RBFOX3: variants seen among roughly 807,000 people sequenced by gnomAD.
RBFOX3 encodes the protein RNA binding fox-1 homolog 3.
Under a neutral mutation model 48.7 loss-of-function variants are expected in RBFOX3, and 17 were observed. The ratio of observed to expected loss-of-function variants is 0.35; its 90% CI spans 0.24 to 0.52. RBFOX3 has a LOEUF of 0.52. RBFOX3 is among the 20% of genes least tolerant of loss of function. The pLI is 0.94. For missense variants in RBFOX3, 382 were observed against 497.5 expected (o/e 0.77, Z 2.21); for synonymous variants, 212 against 209.5 (o/e 1.01, Z -0.10).
chr17:79,552,338 T>C (rs1395494469), intron 1 of RBFOX3, among the ~76,000 whole-genome samples: 2 of 152,146 alleles, frequency 1.3e-5, no homozygotes, highest in African/African-American at 4.8e-5. Context: ...AGTTAAACAA[T>C]AAATGACTTA....
chr17:79,114,952 G>T (rs1173764803), intron 5 of RBFOX3, among the ~76,000 whole-genome samples: 1 of 152,204 alleles, frequency 6.6e-6, no homozygotes, highest in Non-Finnish European at 1.5e-5. Flanking sequence ...CTTTTGCCTG[G>T]GAGCTGCATT....
chr17:79,301,602 T>C (rs2075325185), intron 3 of RBFOX3, among the ~76,000 whole-genome samples: 1 of 152,206 alleles, frequency 6.6e-6, no homozygotes, highest in African/African-American at 2.4e-5. Flanking sequence ...AGTTTCCTAG[T>C]CAGTCTATCT....
At chr17:79,175,324 AC>A (rs1406097483) in intron 4 of RBFOX3, among the ~76,000 whole-genome samples, 1 of 152,232 alleles carries the variant, frequency 6.6e-6, no homozygotes, top group Non-Finnish European at 1.5e-5. Flanking sequence ...ACGCTAGGCC[AC>A]CAGGCTGGTC....
At chr17:79,313,496 G>A (rs1184489101) in intron 2 of RBFOX3, among the ~76,000 whole-genome samples, 3 of 152,182 alleles carry the variant, frequency 2.0e-5, no homozygotes, top group African/African-American at 7.2e-5. Flanking sequence ...GCAGGTCCCA[G>A]GCCCAACCAT....
At chr17:79,325,180 T>C (rs933473732) in intron 2 of RBFOX3, among the ~76,000 whole-genome samples, 2 of 152,248 alleles carry the variant, frequency 1.3e-5, no homozygotes, top group Admixed American at 6.5e-5. Flanking sequence ...CGGAGGAAAC[T>C]GAGCCAAAGG....
chr17:79,464,289 C>T (rs569768172), intron 2 of RBFOX3, among the ~76,000 whole-genome samples: 1 of 152,354 alleles, frequency 6.6e-6, no homozygotes, highest in South Asian at 2.1e-4. Flanking sequence ...GAGAAAATTC[C>T]CAGAAAGACG....
intron 14 of RBFOX3, chr17:79,092,668 C>T (rs1237127988): frequency 1.0e-6 from 1 of 958,888 alleles, no homozygotes; most frequent in African/African-American, 1.8e-5. Context: ...GAAAAACAGC[C>T]AATCAGTACC....
At chr17:79,154,015 A>G (rs2045197507) in intron 4 of RBFOX3, among the ~76,000 whole-genome samples, 1 of 152,116 alleles carries the variant, frequency 6.6e-6, no homozygotes, top group Non-Finnish European at 1.5e-5. Context: ...CACACACTGG[A>G]CCGTGCCTCT....
chr17:79,591,942 T>G lies in RBFOX3; in HGVS notation c.-320+18884A>C, dbSNP rs922082576. ...GAGGGTGTGTGGAGGGGTGTGCATG[T>G]GTTGTGTGTGGCATGTGTAAACGTG... On this transcript the variant is annotated intron_variant, in intron 1 of 14. Transcript: ENST00000693108. 1.2e-3 allele frequency among the ~76,000 whole-genome samples: 177 copies of G among 150,920 alleles called. 2 individuals are homozygous for G. The highest frequency in any genetic ancestry group is 3.7e-3 in the African/African-American group (150 of 41,074).
At chr17:79,542,044 T>TC (rs200358468) in intron 1 of RBFOX3, among the ~76,000 whole-genome samples, 2,343 of 151,916 alleles carry the variant, frequency 0.015, 68 homozygotes, top group African/African-American at 0.053. Context: ...TCGACCTTTT[T>TC]TTTTTTTCAT....
chr17:79,234,642 A>G (rs1005017711), intron 4 of RBFOX3: 6 of 151,594 alleles, frequency 4.0e-5, no homozygotes, highest in Admixed American at 1.3e-4. Context: ...GATGATCTCC[A>G]ACTTACGAAG....
At chr17:79,536,826 C>T (rs1476878245) in intron 1 of RBFOX3, among the ~76,000 whole-genome samples, 2 of 152,226 alleles carry the variant, frequency 1.3e-5, no homozygotes, top group Admixed American at 6.5e-5. Flanking sequence ...GAGGCTAACA[C>T]TGTAATCCCA....
intron 4 of RBFOX3, among the ~76,000 whole-genome samples, chr17:79,184,053 T>C (rs1210614926): frequency 6.6e-6 from 1 of 152,244 alleles, no homozygotes; most frequent in Non-Finnish European, 1.5e-5. Context: ...TCGTCCTGTT[T>C]CGCGTTCAGA....
At chr17:79,233,749 G>A (rs1048016809) in intron 4 of RBFOX3, 4 of 152,114 alleles carry the variant, frequency 2.6e-5, no homozygotes, top group Admixed American at 6.6e-5. Context: ...TGGGATTATA[G>A]GTGCCTGTCA....
intron 1 of RBFOX3, among the ~76,000 whole-genome samples, chr17:79,593,816 C>T (rs1188314156): frequency 6.6e-6 from 1 of 152,196 alleles, no homozygotes; most frequent in Non-Finnish European, 1.5e-5. Flanking sequence ...GGCCCAACGT[C>T]TGTTCTCCCT....
At chr17:79,238,349 A>G (rs1331937157) in intron 3 of RBFOX3, among the ~76,000 whole-genome samples, 1 of 152,216 alleles carries the variant, frequency 6.6e-6, no homozygotes, top group African/African-American at 2.4e-5. Context: ...AGGCATTTGG[A>G]TCTGAAGCCA....
rs542850606 is a variant in RBFOX3 at position 79,214,976 on chromosome 17, C to G, written c.-34+20790G>C. 6.8e-6 allele frequency among the ~76,000 whole-genome samples: 1 copy of G among 147,252 alleles called. No individual in the cohort carries two copies. Among genetic ancestry groups the G allele is most frequent in the Non-Finnish European group, 1.6e-5 (1 of 64,494 alleles). On this transcript the variant is annotated intron_variant, in intron 4 of 14. Transcript: ENST00000693108. The surrounding 1 kb of genome is among the most constrained non-coding windows in gnomAD (Gnocchi z 4.7). ...TGGTGCCGGTCAATTATGAAGCCAC[C>G]CGCTGGTGCTGCCCCCACACCCGTC...
rs1020732704 is a variant in RBFOX3, at chr17:79,391,552, C to G, written c.-174-83728G>C. Among the ~76,000 whole-genome samples the G allele has an allele frequency of 6.6e-6, 1 of 152,224 alleles. No individual in the cohort carries two copies. Among genetic ancestry groups the G allele is most frequent in the Admixed American group, 6.5e-5 (1 of 15,284 alleles). On this transcript the variant is annotated intron_variant, in intron 2 of 14. Transcript: ENST00000693108. The surrounding 1 kb of genome is among the most constrained non-coding windows in gnomAD (Gnocchi z 5.0). Reference sequence around the variant, plus strand: ...CCACCGATTTTAATCTCACCCGAAACCAACCTCACAGGTGCTGATTCACTT... The same window carrying G: ...CCACCGATTTTAATCTCACCCGAAAGCAACCTCACAGGTGCTGATTCACTT...
At chr17:79,321,666 A>G (rs1033108858) in intron 2 of RBFOX3, among the ~76,000 whole-genome samples, 1 of 151,640 alleles carries the variant, frequency 6.6e-6, no homozygotes, top group Non-Finnish European at 1.5e-5. Context: ...ACAGGATGCC[A>G]AAGAGCTGGA....
Sources: gnomAD v4.1 joint callset for allele counts (sites outside exome capture counted in the v4.1 genomes callset) on GRCh38, gnomAD v4.1.1 for gene constraint, Gnocchi (gnomAD v3.1) non-coding constraint, MANE v1.5 for transcripts, NCBI Gene and HGNC (gene_info 2026-07-23, HGNC 2026-07-21) for gene names.